Variants in ZNF892 observed in about 807,000 individuals in gnomAD.
The protein encoded by ZNF892 is zinc finger protein 892, also known as zinc finger protein 570-like.
At chr2:95,244,450 A>G in the ZNF892 span, among the ~76,000 whole-genome samples, 1 of 152,196 alleles carries the variant, frequency 6.6e-6, no homozygotes, top group African/African-American at 2.4e-5. Flanking sequence ...AAAAAAAGAC[A>G]AGGGCATTAC....
At chr2:95,237,694 G>C in the ZNF892 span, among the ~76,000 whole-genome samples, 3 of 152,252 alleles carry the variant, frequency 2.0e-5, no homozygotes, top group Non-Finnish European at 2.9e-5. Context: ...AGCTAGGCCT[G>C]TTGCACCAAA....
chr2:95,209,476 T>C, the ZNF892 span, among the ~76,000 whole-genome samples: 1 of 152,136 alleles, frequency 6.6e-6, no homozygotes, highest in Non-Finnish European at 1.5e-5. Context: ...CATAGCTGAT[T>C]GGAGAGAGAG....
At chr2:95,215,056 C>A in the ZNF892 span, 6 of 510,504 alleles carry the variant, frequency 1.2e-5, no homozygotes, top group Non-Finnish European at 2.1e-5. Flanking sequence ...TGTGGGAAGG[C>A]CTTCAGCCAA....
the ZNF892 span, among the ~76,000 whole-genome samples, chr2:95,261,197 C>T: frequency 6.6e-6 from 1 of 152,214 alleles, no homozygotes; most frequent in Non-Finnish European, 1.5e-5. Context: ...CCACGGACAC[C>T]TGTGAGGGCA....
chr2:95,258,101 G>C, the ZNF892 span, among the ~76,000 whole-genome samples: 4 of 152,152 alleles, frequency 2.6e-5, no homozygotes, highest in Non-Finnish European at 5.9e-5. Flanking sequence ...ACAATCCCCA[G>C]TGAGATGAAC....
chr2:95,243,195 C>T, the ZNF892 span, among the ~76,000 whole-genome samples: 56 of 152,228 alleles, frequency 3.7e-4, 2 homozygotes, highest in South Asian at 0.01. Context: ...GATCTCGGCT[C>T]GCTACAACCT....
chr2:95,206,489 A>G, the ZNF892 span, among the ~76,000 whole-genome samples: 1 of 152,230 alleles, frequency 6.6e-6, no homozygotes, highest in Non-Finnish European at 1.5e-5. Context: ...AAATGCAATA[A>G]TTCTACAGAA....
the ZNF892 span, among the ~76,000 whole-genome samples, chr2:95,222,108 CT>C: frequency 6.6e-6 from 1 of 151,988 alleles, no homozygotes. Context: ...ACCTGTGCTG[CT>C]TTTTTTTAAG....
the ZNF892 span, among the ~76,000 whole-genome samples, chr2:95,246,301 T>C: frequency 2.0e-5 from 3 of 152,282 alleles, no homozygotes; most frequent in African/African-American, 2.4e-5. Context: ...AGGCCTTCGA[T>C]AAAATTCAAC....
At chr2:95,220,657 TAGGGTTTGTGGTATATAACCTA>T in the ZNF892 span, among the ~76,000 whole-genome samples, 2 of 152,170 alleles carry the variant, frequency 1.3e-5, no homozygotes, top group African/African-American at 2.4e-5. Flanking sequence ...GTGGTATATA[TAGGGTTTGTGGTATATAACCTA>T]AGGGTTTGTG....
the ZNF892 span, among the ~76,000 whole-genome samples, chr2:95,217,969 T>C: frequency 6.6e-6 from 1 of 152,224 alleles, no homozygotes; most frequent in Non-Finnish European, 1.5e-5. Flanking sequence ...ATAACACATA[T>C]TCATAGACAA....
chr2:95,225,668 A>G, the ZNF892 span, among the ~76,000 whole-genome samples: 1 of 152,208 alleles, frequency 6.6e-6, no homozygotes, highest in East Asian at 1.9e-4. Context: ...CACATACAAA[A>G]TACATTCATT....
the ZNF892 span, among the ~76,000 whole-genome samples, chr2:95,262,763 T>A: frequency 3.3e-5 from 5 of 152,242 alleles, no homozygotes; most frequent in Non-Finnish European, 7.3e-5. Flanking sequence ...ATATTTCGGC[T>A]TAGGTTTCCC....
the ZNF892 span, among the ~76,000 whole-genome samples, chr2:95,220,221 C>T: frequency 6.6e-6 from 1 of 152,018 alleles, no homozygotes; most frequent in Non-Finnish European, 1.5e-5. Flanking sequence ...CGTTTGTTGG[C>T]GGGGATAGGA....
the ZNF892 span, among the ~76,000 whole-genome samples, chr2:95,242,923 C>T: frequency 6.6e-6 from 1 of 152,208 alleles, no homozygotes; most frequent in Non-Finnish European, 1.5e-5. Context: ...TGTACCCCTG[C>T]CATCTCGGCT....
chr2:95,257,999 T>C, the ZNF892 span, among the ~76,000 whole-genome samples: 1 of 152,204 alleles, frequency 6.6e-6, no homozygotes, highest in African/African-American at 2.4e-5. Context: ...GGGAATTCCC[T>C]GACCCCTTGC....
chr2:95,242,524 G>A, the ZNF892 span, among the ~76,000 whole-genome samples: 4 of 152,070 alleles, frequency 2.6e-5, no homozygotes, highest in African/African-American at 4.8e-5. Flanking sequence ...AACTGTTACC[G>A]GCCACTACAA....
At chr2:95,247,534 T>C in the ZNF892 span, among the ~76,000 whole-genome samples, 1 of 152,154 alleles carries the variant, frequency 6.6e-6, no homozygotes, top group African/African-American at 2.4e-5. Flanking sequence ...AAAGAGCTTA[T>C]GCATAGCAAA....
chr2:95,225,843 T>C, the ZNF892 span, among the ~76,000 whole-genome samples: 1 of 152,194 alleles, frequency 6.6e-6, no homozygotes, highest in Non-Finnish European at 1.5e-5. Flanking sequence ...TATGTGCTTC[T>C]GAAATACAAT....
Sources: gnomAD v4.1 joint callset for allele counts (sites outside exome capture counted in the v4.1 genomes callset) on GRCh38, gnomAD v4.1.1 for gene constraint, MANE v1.5 for transcripts, NCBI Gene and HGNC (gene_info 2026-07-23, HGNC 2026-07-21) for gene names.